Variants in BTF3L4 observed in about 807,000 individuals in gnomAD.
The protein encoded by BTF3L4 is basic transcription factor 3 like 4, also known as transcription factor BTF3 homolog 4.
Under a neutral mutation model 16.8 loss-of-function variants are expected in BTF3L4, and 6 were observed. The ratio of observed to expected loss-of-function variants is 0.36; its 90% CI spans 0.20 to 0.71. The LOEUF is 0.71. Ranked by LOEUF, BTF3L4 falls within the 30% of genes least tolerant of loss-of-function variation. The probability of loss-of-function intolerance (pLI) is 0.58; values close to 1 mark genes in which losing one functional copy is unlikely to be tolerated. For missense variants in BTF3L4, 92 were observed against 186.9 expected (o/e 0.49, Z 2.96); for synonymous variants, 39 against 59.8 (o/e 0.65, Z 1.60).
chr1:52,079,007 C>G (rs987621758), intron 3 of BTF3L4, among the ~76,000 whole-genome samples: 2 of 152,118 alleles, frequency 1.3e-5, no homozygotes, highest in South Asian at 2.1e-4. Flanking sequence ...AGTATAAAAT[C>G]ACTGAAAGAA....
At chr1:52,060,162 A>G (rs903151660) in intron 2 of BTF3L4, among the ~76,000 whole-genome samples, 5 of 152,208 alleles carry the variant, frequency 3.3e-5, no homozygotes, top group African/African-American at 1.2e-4. Context: ...AAGTTATCCA[A>G]CCTTGTTAAG....
chr1:52,060,562 G>C, intron 2 of BTF3L4: 2 of 1,206,474 alleles, frequency 1.7e-6, no homozygotes, highest in South Asian at 1.4e-5. Flanking sequence ...CTTCAGCTGT[G>C]GCACCAGGCT....
At position 52,089,821 on chromosome 1, in the gene BTF3L4, A is replaced by G. The variant is rs550815618; in HGVS notation, c.*3063A>G. 7.9e-5 allele frequency: 12 copies of G among 152,314 alleles called. No homozygotes were observed. Among genetic ancestry groups the G allele is most frequent in the African/African-American group, 2.9e-4 (12 of 41,566 alleles). 9.4% of individuals were successfully genotyped at this position (152,314 alleles called of 1,614,324 possible). Reference sequence around the variant, plus strand: ...CCATTAAGTAATGGTTTAAGAATATATCAAGCACCTTAATTTGTTGTTAAG... The same window carrying G: ...CCATTAAGTAATGGTTTAAGAATATGTCAAGCACCTTAATTTGTTGTTAAG... On this transcript the variant is annotated 3_prime_UTR_variant, in exon 6 of 6. Transcript: ENST00000313334.
At chr1:52,066,792 G>T (rs540461018) in intron 3 of BTF3L4, among the ~76,000 whole-genome samples, 1 of 151,590 alleles carries the variant, frequency 6.6e-6, no homozygotes, top group South Asian at 2.1e-4. Context: ...CTTGCAGTGA[G>T]CCGAGACCAC....
At chr1:52,074,185 G>T (rs1686870898) in intron 3 of BTF3L4, among the ~76,000 whole-genome samples, 1 of 151,442 alleles carries the variant, frequency 6.6e-6, no homozygotes, top group South Asian at 2.1e-4. Context: ...GTTTTGTTTG[G>T]TTTGGTTTTT....
chr1:52,078,300 C>T (rs571091889), intron 3 of BTF3L4, among the ~76,000 whole-genome samples: 45 of 146,906 alleles, frequency 3.1e-4, no homozygotes, highest in African/African-American at 7.0e-4. Context: ...TGGATTTAAG[C>T]GCGCCTCCTG....
chr1:52,061,498 A>AC (rs1196504203), intron 2 of BTF3L4, among the ~76,000 whole-genome samples: 2 of 151,830 alleles, frequency 1.3e-5, no homozygotes, highest in African/African-American at 4.8e-5. Flanking sequence ...AAAAAAAAAA[A>AC]AAAAAAAAGA....
chr1:52,071,564 T>C (rs540791441), intron 3 of BTF3L4, among the ~76,000 whole-genome samples: 1 of 152,312 alleles, frequency 6.6e-6, no homozygotes, highest in East Asian at 1.9e-4. Flanking sequence ...ATTTAAGAGG[T>C]ACTGATTATT....
At position 52,086,822 on chromosome 1, in the gene BTF3L4, T is replaced by G; in HGVS notation, c.*64T>G. 1 of 1,032,020 alleles carries G rather than the reference T, an allele frequency of 9.7e-7. No homozygotes were observed. The allele number at this position is 1,032,020 out of a possible 1,614,324, so 63.9% of individuals were successfully genotyped here. A position where few individuals can be genotyped will look rare whatever the true frequency, so the allele number is the denominator to read the frequency against. The stretch of plus-strand genomic sequence containing the variant: ...CAAATCAGCTATGTGGTTCCAAAGT[T>G]TTACAGACATGGAGAACATCACCTG... On this transcript the variant is annotated 3_prime_UTR_variant, in exon 6 of 6. Coordinates refer to ENST00000313334, the MANE Select transcript of BTF3L4 (RefSeq NM_152265.5).
At chr1:52,065,100 G>T in intron 3 of BTF3L4, 162 bp downstream of exon 3, 1 of 403,706 alleles carries the variant, frequency 2.5e-6, no homozygotes. Flanking sequence ...ATTAAATGAT[G>T]GTCAAAAAAA....
intron 3 of BTF3L4, 97 bp downstream of exon 3, chr1:52,065,035 G>C (rs1419293839): frequency 1.7e-6 from 1 of 588,922 alleles, no homozygotes; most frequent in Non-Finnish European, 2.9e-6. Flanking sequence ...AAAAATCTTT[G>C]ATATTGTCAC....
chr1:52,072,726 G>T (rs1030682420), intron 3 of BTF3L4, among the ~76,000 whole-genome samples: 12 of 151,972 alleles, frequency 7.9e-5, no homozygotes, highest in Admixed American at 3.9e-4. Flanking sequence ...ATCCTTATTG[G>T]CATGTTTTGT....
At chr1:52,056,906 A>G (rs1329328604) in intron 1 of BTF3L4, among the ~76,000 whole-genome samples, 1 of 152,152 alleles carries the variant, frequency 6.6e-6, no homozygotes, top group Non-Finnish European at 1.5e-5. Context: ...CTGCCTGCTG[A>G]CCGACAGGCT....
In BTF3L4 at chr1:52,059,824, T is replaced by TC. The variant is rs754059104; in HGVS notation, c.-13-4dup. On this transcript the variant is annotated splice_polypyrimidine_tract_variant and intron_variant, in intron 1 of 5. Transcript: ENST00000313334. The stretch of plus-strand genomic sequence containing the variant: ...AGAGTGACTTTAACAAATCTATTTT[T>TC]CCCCCCCTAGATTTACCAACAGCAT... 1.1e-4 allele frequency: 180 copies of TC among 1,611,250 alleles called. No homozygotes were observed. Among genetic ancestry groups the TC allele is most frequent in the Non-Finnish European group, 1.5e-4 (171 of 1,178,346 alleles).
intron 2 of BTF3L4, among the ~76,000 whole-genome samples, chr1:52,063,173 G>C: frequency 6.6e-6 from 1 of 152,266 alleles, no homozygotes; most frequent in Admixed American, 6.5e-5. Context: ...GGGGGGTAAA[G>C]GGCATGCAGA....
chr1:52,079,297 C>T (rs953658399), intron 3 of BTF3L4, among the ~76,000 whole-genome samples: 1 of 150,380 alleles, frequency 6.6e-6, no homozygotes, highest in Non-Finnish European at 1.5e-5. Context: ...GCAGGAGAAT[C>T]GCTTGAATCC....
chr1:52,083,193 C>T, intron 3 of BTF3L4, 147 bp from the exon 4 acceptor site: 2 of 641,426 alleles, frequency 3.1e-6, no homozygotes, highest in East Asian at 2.8e-5. Context: ...GATCTTTTTC[C>T]ACGAATGTCC....
chr1:52,071,494 C>T (rs1469977209), intron 3 of BTF3L4, among the ~76,000 whole-genome samples: 2 of 151,988 alleles, frequency 1.3e-5, no homozygotes, highest in African/African-American at 2.4e-5. Flanking sequence ...CATGTTTATT[C>T]GTTGTTTCTA....
At chr1:52,069,395 C>T (rs1230504423) in intron 3 of BTF3L4, among the ~76,000 whole-genome samples, 1 of 151,926 alleles carries the variant, frequency 6.6e-6, no homozygotes, top group Non-Finnish European at 1.5e-5. Flanking sequence ...GGGTTAAAAA[C>T]AGCTTCTTGA....
Sources: allele counts gnomAD v4.1 joint callset (sites outside exome capture counted in the v4.1 genomes callset), GRCh38; gene constraint gnomAD v4.1.1; transcripts MANE v1.5; gene names NCBI Gene and HGNC (gene_info 2026-07-23, HGNC 2026-07-21).